Variants in WNT3 observed in about 807,000 individuals in gnomAD.
The protein encoded by WNT3 is proto-oncogene Wnt-3.
WNT3 carries 7 observed loss-of-function variants against 34.2 expected under a neutral mutation model. The observed-to-expected ratio is 0.20, with a 90% CI of 0.12 to 0.38. The LOEUF is 0.38. WNT3 is among the 10% of genes least tolerant of loss of function. The pLI is 1.00. For synonymous variants in WNT3, 212 were observed against 211.5 expected (o/e 1.00, Z -0.02); for missense variants, 267 against 499.8 (o/e 0.53, Z 4.44).
chr17:46,808,443 CAAATTTTT>C (rs1226141918), intron 1 of WNT3, among the ~76,000 whole-genome samples: 1 of 152,178 alleles, frequency 6.6e-6, no homozygotes, highest in Non-Finnish European at 1.5e-5. Context: ...TATGAACAAG[CAAATTTTT>C]ACCCCAATAA....
At chr17:46,788,368 C>T (rs1474995413) in intron 1 of WNT3, among the ~76,000 whole-genome samples, 1 of 152,210 alleles carries the variant, frequency 6.6e-6, no homozygotes, top group Non-Finnish European at 1.5e-5. Flanking sequence ...CAGAGTTAGG[C>T]TGCCGTTCTG....
intron 1 of WNT3, among the ~76,000 whole-genome samples, chr17:46,807,309 C>G (rs1373010248): frequency 1.3e-5 from 2 of 152,160 alleles, no homozygotes; most frequent in African/African-American, 4.8e-5. Flanking sequence ...ATGGTGAAAT[C>G]CTATCTCTAC....
intron 1 of WNT3, among the ~76,000 whole-genome samples, chr17:46,791,394 A>G (rs1014249203): frequency 1.3e-5 from 2 of 151,994 alleles, no homozygotes; most frequent in African/African-American, 4.8e-5. Context: ...TTTAGTAGAG[A>G]CGGGGTTTCA....
chr17:46,797,203 A>G (rs1396562595), intron 1 of WNT3, among the ~76,000 whole-genome samples: 1 of 152,194 alleles, frequency 6.6e-6, no homozygotes, highest in Non-Finnish European at 1.5e-5. Context: ...TGACTCCAGA[A>G]GCCTTTCTCA....
chr17:46,816,244 T>C (rs2084344378), intron 1 of WNT3, among the ~76,000 whole-genome samples: 1 of 151,634 alleles, frequency 6.6e-6, no homozygotes, highest in African/African-American at 2.4e-5. Context: ...AAGATACTTC[T>C]AGACTTCTCT....
chr17:46,772,127 G>C (rs1275624708), intron 2 of WNT3, among the ~76,000 whole-genome samples: 2 of 152,154 alleles, frequency 1.3e-5, no homozygotes, highest in African/African-American at 4.8e-5. Context: ...GGCCGGAGCT[G>C]GGCGCGAACC....
intron 1 of WNT3, among the ~76,000 whole-genome samples, chr17:46,793,522 A>T (rs1010571003): frequency 1.3e-5 from 2 of 152,112 alleles, no homozygotes; most frequent in African/African-American, 4.8e-5. Flanking sequence ...TGTGTCTCAG[A>T]CAAGGCTGGA....
intron 1 of WNT3, among the ~76,000 whole-genome samples, chr17:46,779,451 C>A (rs933672761): frequency 6.6e-6 from 1 of 152,162 alleles, no homozygotes; most frequent in Non-Finnish European, 1.5e-5. Flanking sequence ...TCCCTAGGAC[C>A]CTGCCACCCT....
intron 1 of WNT3, among the ~76,000 whole-genome samples, chr17:46,810,273 G>A (rs2084256591): frequency 6.6e-6 from 1 of 152,008 alleles, no homozygotes; most frequent in South Asian, 2.1e-4. Context: ...CTCCCAAAGT[G>A]CTGGGATTAC....
chr17:46,783,563 C>A (rs886332483), intron 1 of WNT3, among the ~76,000 whole-genome samples: 4 of 152,186 alleles, frequency 2.6e-5, no homozygotes, highest in African/African-American at 9.7e-5. Context: ...ACTGTGGGTG[C>A]CTTAAATGAG....
rs1435705558 is a variant in WNT3, at chr17:46,770,034, C to A, written c.337G>T (p.Ala113Ser). 1 of 1,558,034 alleles carries A rather than the reference C, an allele frequency of 6.4e-7. No homozygotes were observed. The highest frequency in any genetic ancestry group is 1.2e-5 in the South Asian group (1 of 85,976). Reference protein sequence around the residue: ...PVLDKATRESAFVHAIASAGV... With the variant: ...PVLDKATRESSFVHAIASAGV... ...GCCGAGGCGATGGCGTGAACGAAGG[C>A]CGACTCGCGGGTGGCTGCGGGGAGG... The change falls in exon 3 of 5, where the codon GCC becomes TCC. Residue 113 changes from alanine to serine, a missense_variant. Ala to Ser is a moderately conservative substitution (Grantham distance 99, BLOSUM62 1). Around this residue, in one of 3 missense-constraint regions of WNT3, gnomAD observed 181 missense variants for 391.3 expected, o/e 0.46. Coordinates refer to ENST00000225512, the MANE Select transcript of WNT3 (RefSeq NM_030753.5).
chr17:46,800,184 C>T (rs943093611), intron 1 of WNT3, among the ~76,000 whole-genome samples: 19 of 152,172 alleles, frequency 1.2e-4, no homozygotes, highest in Non-Finnish European at 2.2e-4. Context: ...GATCTCGGCT[C>T]ACTGCAGCCT....
chr17:46,769,887 C>A lies in WNT3; in HGVS notation c.484G>T (p.Ala162Ser). ...CTGGACACTAACACGCCGAAGTCAGCGTCCTCGCTGCAGCCGCCCCACTTC... is the reference window on the plus strand; with the variant it reads ...CTGGACACTAACACGCCGAAGTCAGAGTCCTCGCTGCAGCCGCCCCACTTC... ...GWKWGGCSED[A>S]DFGVLVSREF... The change falls in exon 3 of 5, where the codon GCT (alanine) becomes TCT (serine). Residue 162 changes from alanine (A) to serine (S), a missense_variant. By Grantham distance (99) the Ala-to-Ser change is moderately conservative. Transcript: ENST00000225512. 2 of 1,613,606 alleles carry A rather than the reference C, an allele frequency of 1.2e-6. No individual in the cohort carries two copies. Among genetic ancestry groups the A allele is most frequent in the Non-Finnish European group, 1.7e-6 (2 of 1,179,914 alleles).
At chr17:46,781,539 T>C (rs1214882684) in intron 1 of WNT3, among the ~76,000 whole-genome samples, 1 of 152,074 alleles carries the variant, frequency 6.6e-6, no homozygotes, top group Non-Finnish European at 1.5e-5. Flanking sequence ...ATGAGGTGTC[T>C]AGGTAAATTC....
Position 46,768,340 on chromosome 17 carries a change from C to T in WNT3, c.1048G>A (p.Asp350Asn), listed in dbSNP as rs147306984. ...GTGCCCTACTTGCAGGTGTGCACGT[C>T]GTAGATGCGAATACACTCCTGGCAG... ...VSCQECIRIY[D>N]VHTCK Residue 350 changes from aspartate to asparagine, a missense_variant, in exon 4 of 5, where the codon GAC becomes AAC. By Grantham distance (23) the Asp-to-Asn change is conservative (BLOSUM62 1). Transcript: ENST00000225512. The surrounding 1 kb of genome is among the most constrained non-coding windows in gnomAD (Gnocchi z 5.0). 7.4e-6 allele frequency: 12 copies of T among 1,613,572 alleles called. No individual in the cohort carries two copies. The highest frequency in any genetic ancestry group is 1.0e-5 in the Non-Finnish European group (12 of 1,180,044).
At chr17:46,773,938 G>A (rs1248424660) in intron 1 of WNT3, 29 bp from the exon 2 acceptor site, 1 of 1,606,686 alleles carries the variant, frequency 6.2e-7, no homozygotes, top group East Asian at 2.2e-5. Context: ...TAGTAACACT[G>A]TGGGCACAAA....
rs115168854 is a variant in WNT3, at chr17:46,810,694, C to T, written c.80+7824G>A. Among the ~76,000 whole-genome samples, 1,411 of 152,198 alleles carry T rather than the reference C, an allele frequency of 9.3e-3. 31 individuals carry two copies. Among genetic ancestry groups the T allele is most frequent in the African/African-American group, 0.028 (1,168 of 41,520 alleles). On this transcript the variant is annotated intron_variant, in intron 1 of 4. Coordinates refer to ENST00000225512, the MANE Select transcript of WNT3 (RefSeq NM_030753.5). ...CCTGAGACCAGCTTTCAGTGACCAC[C>T]CCCTCCACCAGGCACAGATGGTCCA...
intron 1 of WNT3, among the ~76,000 whole-genome samples, chr17:46,807,564 C>A (rs1253913597): frequency 6.6e-6 from 1 of 152,212 alleles, no homozygotes; most frequent in Non-Finnish European, 1.5e-5. Context: ...TCAGGACCAA[C>A]TCCCTCCCAG....
chr17:46,781,606 A>G (rs1028746103), intron 1 of WNT3, among the ~76,000 whole-genome samples: 15 of 152,202 alleles, frequency 9.9e-5, no homozygotes, highest in African/African-American at 3.6e-4. Context: ...AGGGAGTGGG[A>G]AGTTACTGCT....
Sources: allele counts gnomAD v4.1 joint callset (sites outside exome capture counted in the v4.1 genomes callset), GRCh38; gene constraint gnomAD v4.1.1; regional missense constraint gnomAD v4.1.1; non-coding constraint Gnocchi (gnomAD v3.1); transcripts MANE v1.5; gene names NCBI Gene and HGNC (gene_info 2026-07-23, HGNC 2026-07-21).